The following SFMBT2 variants were observed in gnomAD, a reference collection of about 807,000 sequenced individuals.
The protein encoded by SFMBT2 is Scm like with four mbt domains 2.
A neutral mutation model predicts 110.1 loss-of-function variants in SFMBT2; 38 were observed. That is an observed-to-expected ratio of 0.35 (90% confidence interval 0.27 to 0.45). SFMBT2 has a LOEUF of 0.45. SFMBT2 is among the 20% of genes least tolerant of loss of function. The probability of loss-of-function intolerance (pLI) is 1.00; values close to 1 mark genes in which losing one functional copy is unlikely to be tolerated. For synonymous variants in SFMBT2, 425 were observed against 425.4 expected (o/e 1.00, Z 0.01); for missense variants, 1,011 against 1,094.9 (o/e 0.92, Z 1.08).
chr10:7,342,426 T>TTTTTTTTA (rs1843945069), intron 4 of SFMBT2, among the ~76,000 whole-genome samples: 1 of 119,472 alleles, frequency 8.4e-6, no homozygotes, highest in Non-Finnish European at 1.7e-5. Flanking sequence ...TTTTTTTTTT[T>TTTTTTTTA]GAGACAGAGT....
intron 4 of SFMBT2, among the ~76,000 whole-genome samples, chr10:7,357,026 A>G (rs1343311797): frequency 3.3e-5 from 5 of 152,192 alleles, no homozygotes; most frequent in African/African-American, 1.2e-4. Context: ...TTACTTCGCA[A>G]TCTCTCGAAT....
At chr10:7,255,577 C>T (rs1465658468) in intron 7 of SFMBT2, among the ~76,000 whole-genome samples, 2 of 152,242 alleles carry the variant, frequency 1.3e-5, no homozygotes, top group Non-Finnish European at 2.9e-5. Context: ...AAGTAAAATG[C>T]CATTCATTTT....
chr10:7,332,710 T>C (rs376300382), intron 4 of SFMBT2, among the ~76,000 whole-genome samples: 2 of 152,170 alleles, frequency 1.3e-5, no homozygotes, highest in East Asian at 3.8e-4. Context: ...TTAATGTCCA[T>C]GACAGAATTG....
rs78550082 is a variant in SFMBT2 at position 7,202,224 on chromosome 10, A to T, written c.1487+256T>A. The stretch of plus-strand genomic sequence containing the variant: ...ATTTCTCTCAGTGTGTAGGTCTGGG[A>T]CACTCCCCAGGTATGTCGAAATGGA... On this transcript the variant is annotated intron_variant, in intron 13 of 20. Transcript: ENST00000397167. 4.4e-3 allele frequency: 1,077 copies of T among 246,150 alleles called. 14 individuals carry two copies. Among genetic ancestry groups the T allele is most frequent in the African/African-American group, 0.023 (1,009 of 43,316 alleles). The allele number at this position is 246,150 out of a possible 1,614,324, so 15.2% of individuals were successfully genotyped here. A position where few individuals can be genotyped will look rare whatever the true frequency, so the allele number is the denominator to read the frequency against.
intron 6 of SFMBT2, among the ~76,000 whole-genome samples, chr10:7,282,380 T>C (rs1841970351): frequency 1.3e-5 from 2 of 152,198 alleles, no homozygotes; most frequent in Non-Finnish European, 2.9e-5. Context: ...TGTAAATTTG[T>C]ACACTGGCAA....
At chr10:7,248,459 A>G (rs1799766003) in intron 8 of SFMBT2, 89 bp downstream of exon 8, 4 of 1,111,844 alleles carry the variant, frequency 3.6e-6, no homozygotes, top group Non-Finnish European at 5.4e-6. Flanking sequence ...GCCTTGCACG[A>G]ACATATGTCA....
At chr10:7,186,459 C>CACATATATATATAT (rs748644225) in intron 16 of SFMBT2, among the ~76,000 whole-genome samples, 2 of 126,896 alleles carry the variant, frequency 1.6e-5, no homozygotes, top group Admixed American at 1.5e-4. Flanking sequence ...CACACACACA[C>CACATATATATATAT]ATATATATAT....
chr10:7,371,920 A>ATT (rs762872004), intron 2 of SFMBT2, among the ~76,000 whole-genome samples: 39,939 of 77,964 alleles, frequency 0.51, 10,916 homozygotes, highest in East Asian at 0.63. Context: ...TCCACCTGTA[A>ATT]TTTTTTTTTT....
chr10:7,210,533 G>A (rs12357917), intron 11 of SFMBT2, among the ~76,000 whole-genome samples: 1 of 152,210 alleles, frequency 6.6e-6, no homozygotes, highest in African/African-American at 2.4e-5. Flanking sequence ...GCTGGAATCA[G>A]AAGAAGGAAA....
intron 7 of SFMBT2, among the ~76,000 whole-genome samples, chr10:7,259,077 C>T (rs1462202916): frequency 7.9e-5 from 12 of 152,104 alleles, no homozygotes; most frequent in Non-Finnish European, 1.3e-4. Flanking sequence ...ATGTGGTGGA[C>T]GCTGAGGGGG....
At chr10:7,380,789 C>T (rs942387750) in intron 2 of SFMBT2, among the ~76,000 whole-genome samples, 4 of 152,068 alleles carry the variant, frequency 2.6e-5, no homozygotes, top group Non-Finnish European at 5.9e-5. Flanking sequence ...GTGAATCACA[C>T]TTATAATCTC....
chr10:7,347,239 TG>T (rs1844146247), intron 4 of SFMBT2, among the ~76,000 whole-genome samples: 1 of 152,182 alleles, frequency 6.6e-6, no homozygotes, highest in Non-Finnish European at 1.5e-5. Context: ...GGAGGTGAGC[TG>T]CTGTCCCCAG....
intron 10 of SFMBT2, among the ~76,000 whole-genome samples, chr10:7,224,467 G>A (rs974574205): frequency 2.0e-5 from 3 of 152,072 alleles, no homozygotes; most frequent in Admixed American, 6.5e-5. Context: ...GGTTCATCAG[G>A]CCAGAGAGAC....
upstream of SFMBT2, among the ~76,000 whole-genome samples, chr10:7,411,065 CTTTT>C (rs766788794): frequency 2.2e-4 from 12 of 53,910 alleles, no homozygotes; most frequent in African/African-American, 8.9e-4. Flanking sequence ...GCTCGGCGCT[CTTTT>C]TTTTTTTTTT....
At chr10:7,400,860 C>T (rs527294858) in intron 1 of SFMBT2, among the ~76,000 whole-genome samples, 10 of 152,182 alleles carry the variant, frequency 6.6e-5, no homozygotes, top group Admixed American at 1.3e-4. Context: ...CGGCCAGGCG[C>T]GGTGGTTCGC....
chr10:7,308,313 T>C (rs944808799), intron 4 of SFMBT2, among the ~76,000 whole-genome samples: 3 of 152,060 alleles, frequency 2.0e-5, no homozygotes, highest in Admixed American at 2.0e-4. Context: ...TGAGCTATAA[T>C]TGCACCACTG....
At chr10:7,358,010 A>G (rs1844575112) in intron 4 of SFMBT2, among the ~76,000 whole-genome samples, 1 of 151,842 alleles carries the variant, frequency 6.6e-6, no homozygotes, top group African/African-American at 2.4e-5. Context: ...CTGTGACATC[A>G]ACATGGCCCT....
intron 4 of SFMBT2, among the ~76,000 whole-genome samples, chr10:7,327,079 C>T (rs994122935): frequency 2.0e-5 from 3 of 151,268 alleles, no homozygotes; most frequent in Admixed American, 2.0e-4. Context: ...CAGTGCTTCC[C>T]TTCATGTCAC....
Position 7,163,538 on chromosome 10 carries a change from G to T in SFMBT2, c.*232C>A. 1 of 463,312 alleles carries T rather than the reference G, an allele frequency of 2.2e-6. No individual in the cohort carries two copies. 28.7% of individuals were successfully genotyped at this position (463,312 alleles called of 1,614,324 possible). On this transcript the variant is annotated 3_prime_UTR_variant, in exon 21 of 21. Transcript: ENST00000397167. This position sits in a 1 kb window ranked among gnomAD's most constrained non-coding sequence, Gnocchi z 4.8. The stretch of plus-strand genomic sequence containing the variant: ...CCAAGAAGCAGGCCCACGTCTGGCA[G>T]GGTCTGATGCATGACTTTAACTGGC...
Sources: allele counts gnomAD v4.1 joint callset (sites outside exome capture counted in the v4.1 genomes callset), GRCh38; gene constraint gnomAD v4.1.1; non-coding constraint Gnocchi (gnomAD v3.1); transcripts MANE v1.5; gene names NCBI Gene and HGNC (gene_info 2026-07-23, HGNC 2026-07-21).